The following LSAMP variants were observed in gnomAD, a reference collection of about 807,000 sequenced individuals.
LSAMP encodes limbic system-associated membrane protein.
LSAMP carries 7 observed loss-of-function variants against 38.6 expected under a neutral mutation model. The ratio of observed to expected loss-of-function variants is 0.18; its 90% confidence interval spans 0.10 to 0.34. The LOEUF (loss-of-function observed/expected upper bound fraction) is 0.34. Ranked by LOEUF, LSAMP falls within the 10% of genes least tolerant of loss-of-function variation. LSAMP has a pLI of 1.00. For missense variants in LSAMP, 313 were observed against 420.0 expected (o/e 0.75, Z 2.23); for synonymous variants, 154 against 166.8 (o/e 0.92, Z 0.59).
intron 1 of LSAMP, among the ~76,000 whole-genome samples, chr3:116,378,070 C>T (rs979518133): frequency 1.3e-5 from 2 of 152,048 alleles, no homozygotes; most frequent in Admixed American, 1.3e-4. Flanking sequence ...AATTTTCTGT[C>T]TCCTTCTAGG....
intron 1 of LSAMP, among the ~76,000 whole-genome samples, chr3:116,234,912 C>T (rs1034336457): frequency 7.9e-5 from 12 of 151,928 alleles, no homozygotes; most frequent in Non-Finnish European, 1.6e-4. Flanking sequence ...ATGCTTTCTT[C>T]AAAATTGATA....
rs994488826 is a variant in LSAMP at position 116,176,785 on chromosome 3, C to T, written c.156-90229G>A. Among the ~76,000 whole-genome samples, 3 of 152,182 alleles carry T rather than the reference C, an allele frequency of 2.0e-5. No homozygotes were observed. The East Asian group carries it at 5.8e-4, about 29-fold the overall frequency. On this transcript the variant is annotated intron_variant, in intron 1 of 6. Transcript: ENST00000490035. The stretch of plus-strand genomic sequence containing the variant: ...GGTGTGATTATCATATCAATAGGAA[C>T]AGAAACCAGTAACATCTGGTCTACA...
intron 3 of LSAMP, among the ~76,000 whole-genome samples, chr3:115,891,336 A>G (rs1329299413): frequency 6.6e-6 from 1 of 152,046 alleles, no homozygotes; most frequent in Non-Finnish European, 1.5e-5. Flanking sequence ...ATGGGCATGC[A>G]CACTGGAGCT....
chr3:116,301,930 A>G (rs1359195340), intron 1 of LSAMP, among the ~76,000 whole-genome samples: 3 of 152,222 alleles, frequency 2.0e-5, no homozygotes. Flanking sequence ...TGGACGTGGT[A>G]AAAATTCACC....
chr3:116,013,991 A>G (rs1940404908), intron 3 of LSAMP, among the ~76,000 whole-genome samples: 1 of 152,182 alleles, frequency 6.6e-6, no homozygotes, highest in African/African-American at 2.4e-5. Flanking sequence ...AGATTTTGCT[A>G]CATGGCCCTG....
At chr3:116,404,016 G>A (rs1437878636) in intron 1 of LSAMP, among the ~76,000 whole-genome samples, 2 of 151,756 alleles carry the variant, frequency 1.3e-5, no homozygotes. Context: ...CTCCAGCCTT[G>A]GCCTCCCAAA....
intron 1 of LSAMP, 60 bp downstream of exon 1, chr3:116,444,817 C>A (rs1036544303): frequency 4.4e-6 from 5 of 1,124,022 alleles, no homozygotes; most frequent in East Asian, 6.5e-5. Context: ...CACAAACACA[C>A]ACACACACAC....
intron 3 of LSAMP, among the ~76,000 whole-genome samples, chr3:116,011,526 T>C (rs1394193794): frequency 6.6e-6 from 1 of 151,760 alleles, no homozygotes; most frequent in Non-Finnish European, 1.5e-5. Context: ...GTTAAGTAGT[T>C]TGAACTTTAT....
rs185617422 is a variant in LSAMP, at chr3:115,835,035, C to T, written c.919+6810G>A. On this transcript the variant is annotated intron_variant, in intron 6 of 6. Coordinates refer to ENST00000490035, the MANE Select transcript of LSAMP (RefSeq NM_002338.5). ...ACAGACTTCTTTCCTCTCTCTAAGC[C>T]GTATAGTTCACATCAGCTTTAGCCA... 3.4e-3 allele frequency among the ~76,000 whole-genome samples: 520 copies of T among 152,210 alleles called. 1 individual carries two copies. The highest frequency in any genetic ancestry group is 0.012 in the African/African-American group (484 of 41,548).
At chr3:116,437,041 G>GTA (rs139542369) in intron 1 of LSAMP, among the ~76,000 whole-genome samples, 32,797 of 144,006 alleles carry the variant, frequency 0.23, 3,716 homozygotes, top group Middle Eastern at 0.34. Flanking sequence ...ATATATATGT[G>GTA]TATATATATA....
chr3:116,274,956 A>C (rs935812998), intron 1 of LSAMP, among the ~76,000 whole-genome samples: 3 of 106,826 alleles, frequency 2.8e-5, no homozygotes, highest in African/African-American at 1.3e-4. Context: ...AAAATAGCCA[A>C]AAAAAAAAAA....
chr3:116,092,209 G>A (rs1254492257), intron 1 of LSAMP, among the ~76,000 whole-genome samples: 1 of 152,106 alleles, frequency 6.6e-6, no homozygotes, highest in Non-Finnish European at 1.5e-5. Flanking sequence ...AATAGGTACA[G>A]TAAAGATGGA....
chr3:116,209,744 A>G (rs879712730), intron 1 of LSAMP, among the ~76,000 whole-genome samples: 6 of 151,264 alleles, frequency 4.0e-5, no homozygotes, highest in African/African-American at 1.5e-4. Flanking sequence ...TTTATTTATT[A>G]TTTATTTATT....
At chr3:116,064,510 A>G (rs1941649761) in intron 2 of LSAMP, among the ~76,000 whole-genome samples, 1 of 152,128 alleles carries the variant, frequency 6.6e-6, no homozygotes, top group Non-Finnish European at 1.5e-5. Flanking sequence ...CTCAAAAAAA[A>G]AAAAAAAAAA....
chr3:116,283,399 C>T (rs996289032), intron 1 of LSAMP, among the ~76,000 whole-genome samples: 1 of 152,118 alleles, frequency 6.6e-6, no homozygotes, highest in East Asian at 1.9e-4. Flanking sequence ...AAAGGCATCC[C>T]TTTTCCCTGA....
Position 116,346,922 on chromosome 3 carries a change from C to T in LSAMP, c.155+97955G>A, listed in dbSNP as rs191888034. ...TCCGCCAGAGTAAGATTAAATAGCA[C>T]AACTCATCCCTCTACCCCTAAAATC... On this transcript the variant is annotated intron_variant, in intron 1 of 6. Coordinates refer to ENST00000490035, the MANE Select transcript of LSAMP (RefSeq NM_002338.5). 2.6e-5 allele frequency among the ~76,000 whole-genome samples: 4 copies of T among 152,238 alleles called. No individual in the cohort carries two copies. The East Asian group carries it at 5.8e-4, about 22-fold the overall frequency.
At chr3:116,385,920 T>TTAC (rs71616351) in intron 1 of LSAMP, among the ~76,000 whole-genome samples, 18,118 of 150,966 alleles carry the variant, frequency 0.12, 1,112 homozygotes, top group Non-Finnish European at 0.13. Context: ...ATTATTGACA[T>TTAC]TACTACTACT....
At chr3:116,371,433 AG>A (rs2048428452) in intron 1 of LSAMP, among the ~76,000 whole-genome samples, 1 of 152,124 alleles carries the variant, frequency 6.6e-6, no homozygotes, top group South Asian at 2.1e-4. Flanking sequence ...CAAAATAAAG[AG>A]GAAAAAAAAC....
At chr3:116,366,355 C>A (rs1221830523) in intron 1 of LSAMP, among the ~76,000 whole-genome samples, 1 of 152,106 alleles carries the variant, frequency 6.6e-6, no homozygotes, top group Non-Finnish European at 1.5e-5. Flanking sequence ...TGTCAAAAAG[C>A]ACCTCTTTTT....
Sources: gnomAD v4.1 joint callset for allele counts (sites outside exome capture counted in the v4.1 genomes callset) on GRCh38, gnomAD v4.1.1 for gene constraint, MANE v1.5 for transcripts, NCBI Gene and HGNC (gene_info 2026-07-23, HGNC 2026-07-21) for gene names.